Variants in CSMD1 observed in about 807,000 individuals in gnomAD.
CSMD1 encodes CUB and Sushi multiple domains 1, also known as CUB and sushi domain-containing protein 1.
A neutral mutation model predicts 417.5 loss-of-function variants in CSMD1; 213 were observed. The observed-to-expected ratio is 0.51, with a 90% CI of 0.46 to 0.57. The LOEUF (loss-of-function observed/expected upper bound fraction) is 0.57. CSMD1 is among the 20% of genes least tolerant of loss of function. CSMD1 has a pLI of 0.00. For missense variants in CSMD1, 6,923 were observed against 4,529.7 expected, an observed-to-expected ratio of 1.53 and a Z score of -15.17; for synonymous variants, 2,862 against 1,736.8, an observed-to-expected ratio of 1.65 and a Z score of -16.11.
At chr8:4,388,518 A>C (rs999498959) in intron 3 of CSMD1, among the ~76,000 whole-genome samples, 3 of 151,276 alleles carry the variant, frequency 2.0e-5, no homozygotes, top group Non-Finnish European at 4.4e-5. Flanking sequence ...TACAAAGGGC[A>C]TAAGAAGGAT....
intron 8 of CSMD1, among the ~76,000 whole-genome samples, chr8:3,606,335 G>A (rs1034478997): frequency 2.0e-5 from 3 of 152,142 alleles, no homozygotes; most frequent in East Asian, 3.9e-4. Context: ...TGGGCTTCAT[G>A]GTACAGCCTA....
At chr8:3,457,533 C>G (rs765779898) in intron 12 of CSMD1, among the ~76,000 whole-genome samples, 2 of 152,158 alleles carry the variant, frequency 1.3e-5, no homozygotes, top group African/African-American at 4.8e-5. Flanking sequence ...CACGCCTGGC[C>G]GTTCCTGGCT....
chr8:3,123,191 T>C (rs907157093), intron 41 of CSMD1, among the ~76,000 whole-genome samples: 69 of 152,200 alleles, frequency 4.5e-4, no homozygotes, highest in African/African-American at 1.4e-3. Context: ...TCTCTTTCTC[T>C]GACACACACA....
intron 3 of CSMD1, among the ~76,000 whole-genome samples, chr8:4,135,310 A>C (rs1487497120): frequency 7.2e-6 from 1 of 138,296 alleles, no homozygotes; most frequent in African/African-American, 2.7e-5. Flanking sequence ...GAAAGGAAGA[A>C]AGGAGGGAGG....
chr8:4,594,949 T>C (rs142342534), intron 2 of CSMD1, among the ~76,000 whole-genome samples: 28 of 152,316 alleles, frequency 1.8e-4, no homozygotes, highest in African/African-American at 6.7e-4. Context: ...AATTCAGTAG[T>C]TGAATGTTTT....
At chr8:4,775,351 A>G (rs1259207239) in intron 1 of CSMD1, among the ~76,000 whole-genome samples, 1 of 152,192 alleles carries the variant, frequency 6.6e-6, no homozygotes. Context: ...GAACACTACG[A>G]ATTTTTATAG....
intron 25 of CSMD1, among the ~76,000 whole-genome samples, chr8:3,290,544 C>A (rs1445883572): frequency 2.1e-5 from 3 of 145,514 alleles, no homozygotes; most frequent in Non-Finnish European, 2.9e-5. Context: ...CCTTCACATC[C>A]CTTGTAAGTT....
chr8:4,811,223 C>T (rs186814703), intron 1 of CSMD1, among the ~76,000 whole-genome samples: 3 of 152,190 alleles, frequency 2.0e-5, no homozygotes, highest in Admixed American at 6.5e-5. Context: ...CGAGGTTCAA[C>T]AAGAGAACTG....
At chr8:4,149,946 T>C (rs1421519399) in intron 3 of CSMD1, among the ~76,000 whole-genome samples, 2 of 152,206 alleles carry the variant, frequency 1.3e-5, no homozygotes, top group Non-Finnish European at 1.5e-5. Flanking sequence ...CAACAGGAAA[T>C]TCTGTGATGT....
chr8:3,696,619 T>C (rs576337672), intron 7 of CSMD1, among the ~76,000 whole-genome samples: 52 of 152,332 alleles, frequency 3.4e-4, no homozygotes, highest in Admixed American at 1.9e-3. Flanking sequence ...CTTTGGAAGA[T>C]TGAAACGTCA....
chr8:3,703,538 G>C (rs1260350382), intron 7 of CSMD1, among the ~76,000 whole-genome samples: 1 of 152,118 alleles, frequency 6.6e-6, no homozygotes, highest in Non-Finnish European at 1.5e-5. Context: ...AGGAGGTATG[G>C]TGTGTGATCT....
At chr8:4,988,427 C>T (rs543080291) in intron 1 of CSMD1, among the ~76,000 whole-genome samples, 1 of 152,190 alleles carries the variant, frequency 6.6e-6, no homozygotes, top group East Asian at 1.9e-4. Flanking sequence ...AAATAAAATA[C>T]GTAAGTTATT....
intron 41 of CSMD1, among the ~76,000 whole-genome samples, chr8:3,141,435 C>G (rs186014176): frequency 1.3e-5 from 2 of 152,072 alleles, no homozygotes; most frequent in East Asian, 3.9e-4. Flanking sequence ...GGCCCTTTCC[C>G]GAAAAGACCC....
intron 4 of CSMD1, among the ~76,000 whole-genome samples, chr8:4,022,535 G>A (rs1796841259): frequency 6.6e-6 from 1 of 152,122 alleles, no homozygotes; most frequent in Middle Eastern, 3.2e-3. Context: ...TGAAACTGAG[G>A]CACAAGAAGG....
chr8:3,177,194 C>T (rs1585563149), intron 37 of CSMD1, among the ~76,000 whole-genome samples: 1 of 152,272 alleles, frequency 6.6e-6, no homozygotes, highest in South Asian at 2.1e-4. Flanking sequence ...TTAATAAACA[C>T]CAACTGTCGC....
intron 40 of CSMD1, among the ~76,000 whole-genome samples, chr8:3,147,887 T>C (rs946341005): frequency 6.6e-6 from 1 of 152,226 alleles, no homozygotes; most frequent in South Asian, 2.1e-4. Flanking sequence ...AACTGGTTAC[T>C]TGCGTGAACT....
chr8:3,995,694 T>C (rs566955223), intron 5 of CSMD1, among the ~76,000 whole-genome samples: 14 of 152,296 alleles, frequency 9.2e-5, no homozygotes, highest in East Asian at 3.9e-4. Context: ...TAGTAGACAA[T>C]AGTAAGAATA....
At chr8:3,415,834 G>A (rs1813107818) in intron 12 of CSMD1, among the ~76,000 whole-genome samples, 1 of 152,122 alleles carries the variant, frequency 6.6e-6, no homozygotes, top group Non-Finnish European at 1.5e-5. Flanking sequence ...TTCTTTATTG[G>A]TAAAATGGAT....
At chr8:4,024,138 TA>T (rs1796939303) in intron 4 of CSMD1, among the ~76,000 whole-genome samples, 1 of 152,054 alleles carries the variant, frequency 6.6e-6, no homozygotes, top group Admixed American at 6.6e-5. Flanking sequence ...TACCAAAAAT[TA>T]AAGAAATACA....
Sources: allele counts gnomAD v4.1 joint callset (sites outside exome capture counted in the v4.1 genomes callset), GRCh38; gene constraint gnomAD v4.1.1; transcripts MANE v1.5; gene names NCBI Gene and HGNC (gene_info 2026-07-23, HGNC 2026-07-21).